Variants in KRT72 observed in about 807,000 individuals in gnomAD.
KRT72 encodes keratin 72.
KRT72 carries 44 observed loss-of-function variants against 44.7 expected under a neutral mutation model. The observed-to-expected ratio is 0.98, with a 90% CI of 0.77 to 1.27. The LOEUF is 1.27. Among genes scored for constraint, KRT72 ranks in the 50% most tolerant of loss-of-function variants. The pLI, the probability that KRT72 is intolerant of heterozygous loss-of-function variation, is 0.00. For missense variants in KRT72, 736 were observed against 667.1 expected, an observed-to-expected ratio of 1.10 and a Z score of -1.14; for synonymous variants, 302 against 280.4, an observed-to-expected ratio of 1.08 and a Z score of -0.77.
At chr12:52,587,068 C>G in intron 7 of KRT72, 88 bp from the exon 8 acceptor site, 1 of 1,268,596 alleles carries the variant, frequency 7.9e-7, no homozygotes, top group East Asian at 2.3e-5. Flanking sequence ...AGCCTCTCCA[C>G]GCAGAATGTG....
Position 52,599,070 on chromosome 12 carries a change from A to G in KRT72, c.469T>C (p.Trp157Arg). The G allele has an allele frequency of 6.2e-7, 1 of 1,614,156 alleles. No homozygotes were observed. Among genetic ancestry groups the G allele is most frequent in the Non-Finnish European group, 8.5e-7 (1 of 1,180,022 alleles). The change falls in exon 2 of 9, where the codon TGG (tryptophan) becomes CGG (arginine). Residue 157 changes from tryptophan (W) to arginine (R), a missense_variant. Transcript: ENST00000293745. ...AAGTCCAGCTGCTGTAGGAGGTTCC[A>G]CTTGGTCTCTAGCACCTGATTCTGC... is the stretch of plus-strand genomic sequence containing the variant. ...EQQNQVLETKWNLLQQLDLNN... is the reference protein window; with the variant it reads ...EQQNQVLETKRNLLQQLDLNN...
chr12:52,592,314 G>T lies in KRT72; in HGVS notation c.798+82C>A, dbSNP rs990698409. 42 of 971,040 alleles carry T rather than the reference G, an allele frequency of 4.3e-5. No individual in the cohort carries two copies. In the African/African-American group the frequency reaches 5.5e-4, roughly 13 times the overall value. 60.2% of individuals were successfully genotyped at this position (971,040 alleles called of 1,614,324 possible). ...AAAGCTTTCTCCCTCCCAATTCTTG[G>T]TCCACACCACCTTCCAGCCAGGGGC... On this transcript the variant is annotated intron_variant, in intron 4 of 8. Coordinates refer to ENST00000293745, the MANE Select transcript of KRT72 (RefSeq NM_080747.3).
intron 2 of KRT72, among the ~76,000 whole-genome samples, chr12:52,596,264 A>G (rs1940222457): frequency 6.6e-6 from 1 of 152,190 alleles, no homozygotes; most frequent in African/African-American, 2.4e-5. Flanking sequence ...ATCTACTTCT[A>G]TAATTAAAGT....
chr12:52,587,265 G>A (rs764738322), intron 7 of KRT72, among the ~76,000 whole-genome samples: 2 of 152,076 alleles, frequency 1.3e-5, no homozygotes, highest in African/African-American at 4.8e-5. Context: ...GTTCTTAGAC[G>A]ATTAAGAAGA....
At chr12:52,600,985 C>A in intron 1 of KRT72, 42 bp downstream of exon 1, 1 of 1,601,686 alleles carries the variant, frequency 6.2e-7, no homozygotes, top group Non-Finnish European at 8.5e-7. Context: ...CCACTGTGCA[C>A]ATGCGCCCAA....
rs1156700573 is a variant in KRT72, at chr12:52,599,381, G to A, written c.427-269C>T. 4 of 545,778 alleles carry A rather than the reference G, an allele frequency of 7.3e-6. No individual in the cohort carries two copies. In the East Asian group the frequency reaches 1.8e-4, roughly 25 times the overall value. 33.8% of individuals were successfully genotyped at this position (545,778 alleles called of 1,614,324 possible). A position where few individuals can be genotyped will look rare whatever the true frequency, so the allele number is the denominator to read the frequency against. ...AGTGAGTTTTCATGAGACAGAGGTA[G>A]CTTCTCATGCTATAAATGCTGGTGT... On this transcript the variant is annotated intron_variant, in intron 1 of 8. Coordinates refer to ENST00000293745, the MANE Select transcript of KRT72 (RefSeq NM_080747.3).
chr12:52,600,925 G>A, intron 1 of KRT72, 102 bp downstream of exon 1: 1 of 1,303,494 alleles, frequency 7.7e-7, no homozygotes, highest in Non-Finnish European at 1.1e-6. Context: ...GCTCGGAGAG[G>A]TTATGACCCG....
At chr12:52,592,588 C>T (rs1940083813) in intron 3 of KRT72, 97 bp from the exon 4 acceptor site, 2 of 895,074 alleles carry the variant, frequency 2.2e-6, no homozygotes, top group African/African-American at 1.7e-5. Flanking sequence ...TCTCCCTTCA[C>T]CCTGTGCTTC....
intron 3 of KRT72, 87 bp downstream of exon 3, chr12:52,592,805 A>T: frequency 8.6e-7 from 1 of 1,159,114 alleles, no homozygotes; most frequent in Non-Finnish European, 1.3e-6. Context: ...TGAGTGACCT[A>T]CAGGGCCCCT....
At chr12:52,586,469 T>C (rs1385331906) in intron 8 of KRT72, among the ~76,000 whole-genome samples, 1 of 152,240 alleles carries the variant, frequency 6.6e-6, no homozygotes, top group Non-Finnish European at 1.5e-5. Context: ...CTGGTGCTGC[T>C]GGTCTGCTGA....
chr12:52,596,316 A>T (rs1565620479), intron 2 of KRT72, among the ~76,000 whole-genome samples: 3 of 152,194 alleles, frequency 2.0e-5, no homozygotes, highest in Admixed American at 2.0e-4. Flanking sequence ...ACAGGACTAG[A>T]ATCCTATCTC....
upstream of KRT72, among the ~76,000 whole-genome samples, chr12:52,602,551 G>A (rs1464977941): frequency 6.6e-6 from 1 of 152,210 alleles, no homozygotes; most frequent in Non-Finnish European, 1.5e-5. Flanking sequence ...CTGGCATGCA[G>A]GTGGGATTAT....
upstream of KRT72, among the ~76,000 whole-genome samples, chr12:52,602,691 C>G (rs1592238217): frequency 6.6e-6 from 1 of 152,154 alleles, no homozygotes; most frequent in African/African-American, 2.4e-5. Context: ...AGGCCTTGGC[C>G]AAAGGGACAT....
At chr12:52,601,946 C>T (rs546836685), upstream of KRT72, among the ~76,000 whole-genome samples, 1 of 152,210 alleles carries the variant, frequency 6.6e-6, no homozygotes. Context: ...GCCTGTCCTC[C>T]TCCTGCCTCC....
At chr12:52,597,773 C>A (rs952090277) in intron 2 of KRT72, among the ~76,000 whole-genome samples, 2 of 152,186 alleles carry the variant, frequency 1.3e-5, no homozygotes, top group African/African-American at 4.8e-5. Context: ...GTCTGGCTGG[C>A]ATTATCCTCT....
upstream of KRT72, among the ~76,000 whole-genome samples, chr12:52,602,937 G>T (rs998002611): frequency 6.6e-6 from 1 of 152,120 alleles, no homozygotes; most frequent in Non-Finnish European, 1.5e-5. Flanking sequence ...AGATGGCACC[G>T]ATCACAGATG....
At chr12:52,591,111 A>T in intron 5 of KRT72, 150 bp from the exon 6 acceptor site, 1 of 782,738 alleles carries the variant, frequency 1.3e-6, no homozygotes, top group Non-Finnish European at 1.9e-6. Context: ...TGAATTTCCT[A>T]TCCTCATTTT....
chr12:52,601,064 T>TTGATC lies in KRT72; in HGVS notation c.384_388dup (p.Lys130ArgfsTer5). 1 of 1,612,518 alleles carries TTGATC rather than the reference T, an allele frequency of 6.2e-7. No individual in the cohort carries two copies. The highest frequency in any genetic ancestry group is 2.2e-5 in the East Asian group (1 of 44,730). ...GGAGGCGAACTTGTTGTTTAGCGCCTTGATCTGCTCCCGCTCCTGGGCGCG... is the reference window on the plus strand; with the variant it reads ...GGAGGCGAACTTGTTGTTTAGCGCCTTGATCTGATCTGCTCCCGCTCCTGGGCGCG... On this transcript the variant is annotated frameshift_variant, in exon 1 of 9. Transcript: ENST00000293745. LOFTEE classifies it high-confidence loss of function.
rs1264410554 is a variant in KRT72 at position 52,601,321 on chromosome 12, A to C, written c.132T>G (p.Phe44Leu). The C allele has an allele frequency of 6.5e-7, 1 of 1,546,708 alleles. No homozygotes were observed. Among genetic ancestry groups the C allele is most frequent in the Admixed American group, 2.0e-5 (1 of 51,062 alleles). Residue 44 changes from phenylalanine (F) to leucine (L), a missense_variant, in exon 1 of 9, where the codon TTT (phenylalanine) becomes TTG (leucine). Phe to Leu is a conservative substitution (Grantham distance 22). Transcript: ENST00000293745. ...FRARVKGSAS[F>L]GSKSLSCLGG... ...CAAGGCAGGAGAGGCTCTTGCTGCC[A>C]AAGGAGGCCGAGCCCTTGACCCGGG...
Sources: gnomAD v4.1 joint callset for allele counts (sites outside exome capture counted in the v4.1 genomes callset) on GRCh38, gnomAD v4.1.1 for gene constraint, MANE v1.5 for transcripts, NCBI Gene and HGNC (gene_info 2026-07-23, HGNC 2026-07-21) for gene names.